SIPA1L1: variants seen among roughly 807,000 people sequenced by gnomAD.
SIPA1L1 encodes signal induced proliferation associated 1 like 1, also known as signal-induced proliferation-associated 1-like protein 1.
Under a neutral mutation model 162.7 loss-of-function variants are expected in SIPA1L1, and 26 were observed. The observed-to-expected ratio is 0.16, with a 90% CI of 0.12 to 0.22. The LOEUF is 0.22. Ranked by LOEUF, SIPA1L1 falls within the 10% of genes least tolerant of loss-of-function variation. The probability of loss-of-function intolerance (pLI) is 1.00; values close to 1 mark genes in which losing one functional copy is unlikely to be tolerated. For synonymous variants in SIPA1L1, 829 were observed against 837.4 expected (o/e 0.99, Z 0.17); for missense variants, 1,874 against 2,241.0 (o/e 0.84, Z 3.31).
intron 2 of SIPA1L1, among the ~76,000 whole-genome samples, chr14:71,333,305 A>G (rs1289581802): frequency 6.6e-6 from 1 of 152,204 alleles, no homozygotes; most frequent in Non-Finnish European, 1.5e-5. Flanking sequence ...TGAATGCAGA[A>G]CAGTCACACT....
Position 71,588,732 on chromosome 14 carries a change from A to G in SIPA1L1, c.860A>G (p.Lys287Arg). 1 of 1,614,078 alleles carries G rather than the reference A, an allele frequency of 6.2e-7. No individual in the cohort carries two copies. Among genetic ancestry groups the G allele is most frequent in the Non-Finnish European group, 8.5e-7 (1 of 1,179,972 alleles). ...GAAAAACCACTCAAGCGACGTTCAA[A>G]ATCTGAAACTGGAGACTCATCTATT... ...EREKPLKRRS[K>R]SETGDSSIFR... Residue 287 changes from lysine (K) to arginine (R), a missense_variant, in exon 5 of 24, where the codon AAA (lysine) becomes AGA (arginine). Physicochemically the swap from Lys to Arg is conservative, Grantham distance 26. Around this residue, in one of 5 missense-constraint regions of SIPA1L1, gnomAD observed 685 missense variants for 828.0 expected, o/e 0.83. Coordinates refer to ENST00000381232, the MANE Select transcript of SIPA1L1 (RefSeq NM_001386936.1). This position sits in a 1 kb window ranked among gnomAD's most constrained non-coding sequence, Gnocchi z 4.3.
chr14:71,534,998 A>T (rs912005537), intron 4 of SIPA1L1, among the ~76,000 whole-genome samples: 1 of 152,240 alleles, frequency 6.6e-6, no homozygotes, highest in Non-Finnish European at 1.5e-5. Flanking sequence ...GTAACTTACA[A>T]AAATAATACA....
chr14:71,384,616 G>A (rs1200199457), intron 2 of SIPA1L1, among the ~76,000 whole-genome samples: 2 of 151,426 alleles, frequency 1.3e-5, no homozygotes, highest in Admixed American at 1.3e-4. Flanking sequence ...CATTTGCCAT[G>A]TTGTGGTTTG....
At chr14:71,526,946 A>G (rs2052939992) in intron 3 of SIPA1L1, among the ~76,000 whole-genome samples, 2 of 152,122 alleles carry the variant, frequency 1.3e-5, no homozygotes, top group Admixed American at 1.3e-4. Flanking sequence ...AAACAGCTTT[A>G]CGGTTTGTAT....
intron 2 of SIPA1L1, among the ~76,000 whole-genome samples, chr14:71,460,160 T>C (rs2046485788): frequency 6.6e-6 from 1 of 152,268 alleles, no homozygotes; most frequent in Non-Finnish European, 1.5e-5. Context: ...GAAATACTCA[T>C]GACAATTACA....
At chr14:71,626,903 A>G (rs1298070596) in intron 7 of SIPA1L1, among the ~76,000 whole-genome samples, 2 of 152,068 alleles carry the variant, frequency 1.3e-5, no homozygotes, top group African/African-American at 2.4e-5. Context: ...TACCACTATC[A>G]AAAGCTAAAG....
At chr14:71,613,734 A>G (rs146244735) in intron 5 of SIPA1L1, among the ~76,000 whole-genome samples, 210 of 152,356 alleles carry the variant, frequency 1.4e-3, no homozygotes, top group Non-Finnish European at 2.5e-3. Flanking sequence ...TGTGGATTTG[A>G]CTAGAAGAAC....
At chr14:71,424,922 T>C (rs1460269588) in intron 2 of SIPA1L1, among the ~76,000 whole-genome samples, 1 of 152,106 alleles carries the variant, frequency 6.6e-6, no homozygotes, top group Non-Finnish European at 1.5e-5. Context: ...TTTTTTTTAT[T>C]ACTGATTTAA....
At chr14:71,670,504 C>T (rs2044412187) in intron 10 of SIPA1L1, among the ~76,000 whole-genome samples, 1 of 152,196 alleles carries the variant, frequency 6.6e-6, no homozygotes, top group South Asian at 2.1e-4. Context: ...TAAAGATTCT[C>T]ATACTATTAC....
intron 2 of SIPA1L1, among the ~76,000 whole-genome samples, chr14:71,452,906 T>C (rs1003109256): frequency 6.6e-6 from 1 of 152,236 alleles, no homozygotes; most frequent in African/African-American, 2.4e-5. Flanking sequence ...GAAACTATTA[T>C]TTTCCTCTGG....
At chr14:71,729,924 A>G (rs1047588452) in intron 19 of SIPA1L1, 131 bp from the exon 20 acceptor site, 13 of 983,696 alleles carry the variant, frequency 1.3e-5, no homozygotes, top group Non-Finnish European at 1.7e-5. Flanking sequence ...GAAATAGACA[A>G]TGAGCCCTGA....
At chr14:71,601,971 C>T (rs1450097822) in intron 5 of SIPA1L1, among the ~76,000 whole-genome samples, 1 of 150,594 alleles carries the variant, frequency 6.6e-6, no homozygotes, top group Non-Finnish European at 1.5e-5. Context: ...GGTTATCCTA[C>T]CAAGTGGTTT....
At chr14:71,641,244 A>G (rs2041679040) in intron 7 of SIPA1L1, among the ~76,000 whole-genome samples, 1 of 152,110 alleles carries the variant, frequency 6.6e-6, no homozygotes, top group African/African-American at 2.4e-5. Flanking sequence ...ATTAAGATAA[A>G]AACAAGGAGT....
intron 2 of SIPA1L1, among the ~76,000 whole-genome samples, chr14:71,438,086 G>C (rs932576739): frequency 2.6e-5 from 4 of 152,040 alleles, no homozygotes; most frequent in Non-Finnish European, 5.9e-5. Flanking sequence ...TTTAGAAGTG[G>C]TTCATAGCCC....
chr14:71,409,869 A>G (rs941394437), intron 2 of SIPA1L1, among the ~76,000 whole-genome samples: 1 of 152,148 alleles, frequency 6.6e-6, no homozygotes, highest in Non-Finnish European at 1.5e-5. Context: ...TTCATAATTG[A>G]CTTAGTAACA....
In SIPA1L1 at chr14:71,671,557, T is replaced by C. The variant is rs2044513143; in HGVS notation, c.2694T>C (p.Asn898=). 6.2e-7 allele frequency: 1 copy of C among 1,614,180 alleles called. No homozygotes were observed. The highest frequency in any genetic ancestry group is 8.5e-7 in the Non-Finnish European group (1 of 1,180,036). The part of the protein sequence containing the change: ...IEQETKSVVF[N]CSCRDVIGWT... ...AGGAAACAAAGAGCGTGGTCTTCAA[T>C]TGTTCCTGTAGAGATGTGATAGGGT... Residue 898 remains asparagine, a synonymous_variant, in exon 11 of 24, where the codon AAT becomes AAC. Transcript: ENST00000381232.
intron 2 of SIPA1L1, among the ~76,000 whole-genome samples, chr14:71,359,817 C>T (rs1051581372): frequency 6.6e-6 from 1 of 152,140 alleles, no homozygotes; most frequent in African/African-American, 2.4e-5. Context: ...TGAGATTATG[C>T]AGATATTATC....
chr14:71,536,317 G>A (rs1372327879), intron 4 of SIPA1L1, among the ~76,000 whole-genome samples: 2 of 152,114 alleles, frequency 1.3e-5, no homozygotes, highest in African/African-American at 4.8e-5. Context: ...CTTCCAATGG[G>A]CTTCTTTTAA....
chr14:71,539,927 G>A (rs1245258734), intron 4 of SIPA1L1, among the ~76,000 whole-genome samples: 1 of 152,184 alleles, frequency 6.6e-6, no homozygotes, highest in African/African-American at 2.4e-5. Context: ...AGGGTGAAGA[G>A]AAGCTGCCTG....
Sources: gnomAD v4.1 joint callset for allele counts (sites outside exome capture counted in the v4.1 genomes callset) on GRCh38, gnomAD v4.1.1 for gene constraint, gnomAD v4.1.1 regional missense constraint, Gnocchi (gnomAD v3.1) non-coding constraint, MANE v1.5 for transcripts, NCBI Gene and HGNC (gene_info 2026-07-23, HGNC 2026-07-21) for gene names.